VPS13B: variants seen among roughly 807,000 people sequenced by gnomAD.
The protein encoded by VPS13B is vacuolar protein sorting 13 homolog B.
Under a neutral mutation model 426.4 loss-of-function variants are expected in VPS13B, and 285 were observed. That is an observed-to-expected ratio of 0.67 (90% CI 0.61 to 0.74). VPS13B has a LOEUF of 0.74. VPS13B is among the 30% of genes least tolerant of loss of function. The pLI, the probability that VPS13B is intolerant of heterozygous loss-of-function variation, is 0.00. For missense variants in VPS13B, 4,537 were observed against 4,782.6 expected (o/e 0.95, Z 1.51); for synonymous variants, 1,676 against 1,676.4 (o/e 1.00, Z 0.01).
chr8:99,207,422 G>A (rs1487385217), intron 17 of VPS13B, among the ~76,000 whole-genome samples: 1 of 152,088 alleles, frequency 6.6e-6, no homozygotes, highest in East Asian at 1.9e-4. Context: ...TTTTGATAAT[G>A]TTTGTAAATT....
chr8:99,243,880 A>G (rs550917159), intron 17 of VPS13B, among the ~76,000 whole-genome samples: 1 of 152,224 alleles, frequency 6.6e-6, no homozygotes, highest in Non-Finnish European at 1.5e-5. Flanking sequence ...AGCACATGTC[A>G]TCAATCCTGA....
chr8:99,820,146 A>G (rs1814279412), intron 49 of VPS13B, 24 bp downstream of exon 49: 1 of 1,598,002 alleles, frequency 6.3e-7, no homozygotes, highest in Non-Finnish European at 8.6e-7. Context: ...TTTAACTAAT[A>G]CGAATTCTTA....
At chr8:99,819,831 G>C in intron 48 of VPS13B, 90 bp from the exon 49 acceptor site, 4 of 1,501,986 alleles carry the variant, frequency 2.7e-6, no homozygotes, top group Non-Finnish European at 3.7e-6. Flanking sequence ...TCATGCAGGA[G>C]CATGGTGTGT....
chr8:99,187,256 T>G (rs533787705), intron 16 of VPS13B, among the ~76,000 whole-genome samples: 52 of 152,266 alleles, frequency 3.4e-4, no homozygotes, highest in Non-Finnish European at 5.4e-4. Context: ...AACAGAAATT[T>G]GAGAACATAG....
At chr8:99,205,984 A>T (rs919798261) in intron 17 of VPS13B, among the ~76,000 whole-genome samples, 1 of 152,206 alleles carries the variant, frequency 6.6e-6, no homozygotes, top group East Asian at 1.9e-4. Context: ...TAAAGGATAA[A>T]GCAGAGATTA....
At chr8:99,312,619 A>C (rs1413797587) in intron 19 of VPS13B, among the ~76,000 whole-genome samples, 3 of 151,918 alleles carry the variant, frequency 2.0e-5, no homozygotes, top group African/African-American at 7.3e-5. Context: ...CTTCATTTCA[A>C]CTTTGGTGAA....
At chr8:99,510,371 A>G (rs1380253836) in intron 28 of VPS13B, among the ~76,000 whole-genome samples, 2 of 152,186 alleles carry the variant, frequency 1.3e-5, no homozygotes, top group East Asian at 1.9e-4. Context: ...AAAATATGTA[A>G]TGTGGTTATT....
At chr8:99,385,138 T>C (rs2133297378) in intron 20 of VPS13B, among the ~76,000 whole-genome samples, 1 of 152,348 alleles carries the variant, frequency 6.6e-6, no homozygotes, top group Non-Finnish European at 1.5e-5. Context: ...AGTAGGCAAT[T>C]ATAGTTTCTA....
chr8:99,080,742 A>T (rs141464237), intron 3 of VPS13B, among the ~76,000 whole-genome samples: 1 of 152,332 alleles, frequency 6.6e-6, no homozygotes, highest in East Asian at 1.9e-4. Flanking sequence ...CTGTTCTAGA[A>T]GATTAATTTT....
intron 15 of VPS13B, among the ~76,000 whole-genome samples, chr8:99,162,403 A>G (rs1762217195): frequency 6.6e-6 from 1 of 152,216 alleles, no homozygotes. Flanking sequence ...TGTATTGGCT[A>G]TATGATGAAA....
intron 20 of VPS13B, among the ~76,000 whole-genome samples, chr8:99,386,052 C>CTTTCTAAATA (rs1814103900): frequency 6.6e-6 from 1 of 152,140 alleles, no homozygotes; most frequent in Non-Finnish European, 1.5e-5. Flanking sequence ...AAAGTTTACT[C>CTTTCTAAATA]TAGCAGAATA....
chr8:99,033,872 G>A (rs1349348543), intron 2 of VPS13B, among the ~76,000 whole-genome samples: 1 of 152,018 alleles, frequency 6.6e-6, no homozygotes, highest in Non-Finnish European at 1.5e-5. Context: ...CTCCAGCCTG[G>A]GTGACAGGGT....
At chr8:99,606,009 C>T (rs999319452) in intron 33 of VPS13B, among the ~76,000 whole-genome samples, 10 of 152,272 alleles carry the variant, frequency 6.6e-5, no homozygotes, top group Non-Finnish European at 1.2e-4. Flanking sequence ...GATCCTCCCA[C>T]CTCAGCCTCC....
rs189677912 is a variant in VPS13B at position 99,173,136 on chromosome 8, G to A, written c.2333+2973G>A. Among the ~76,000 whole-genome samples, 964 of 152,192 alleles carry A rather than the reference G, an allele frequency of 6.3e-3. 8 individuals carry two copies. Among genetic ancestry groups the A allele is most frequent in the African/African-American group, 0.022 (905 of 41,532 alleles). On this transcript the variant is annotated intron_variant, in intron 16 of 61. Coordinates refer to ENST00000357162, the MANE Select transcript of VPS13B (RefSeq NM_152564.5). ...TTTACTTAGCACAGTGCCAATTGTT[G>A]ATTTTAACTAGCAAAGTTATTGAAC...
intron 54 of VPS13B, among the ~76,000 whole-genome samples, chr8:99,841,711 C>A (rs985030146): frequency 6.6e-5 from 10 of 152,182 alleles, no homozygotes; most frequent in Admixed American, 3.3e-4. Flanking sequence ...TCCACACATC[C>A]AGTAGGCCAC....
intron 2 of VPS13B, among the ~76,000 whole-genome samples, chr8:99,032,131 C>G (rs540983860): frequency 6.6e-6 from 1 of 152,316 alleles, no homozygotes; most frequent in African/African-American, 2.4e-5. Flanking sequence ...TCCCTTCTGG[C>G]TCCAGGCTGA....
chr8:99,424,976 A>C (rs959570775), intron 21 of VPS13B, among the ~76,000 whole-genome samples: 2 of 152,212 alleles, frequency 1.3e-5, no homozygotes, highest in African/African-American at 4.8e-5. Flanking sequence ...AGAAATGGAT[A>C]TATTCCTCAA....
Position 99,378,545 on chromosome 8 carries a change from G to A in VPS13B, c.2825-5663G>A, listed in dbSNP as rs191352725. On this transcript the variant is annotated intron_variant, in intron 19 of 61. Coordinates refer to ENST00000357162, the MANE Select transcript of VPS13B (RefSeq NM_152564.5). ...GAAATCTTCACAATTTATGTTCAGA[G>A]ATTGCAGTAAAGACAGGCATAAGAA... is the stretch of plus-strand genomic sequence containing the variant. 5.0e-3 allele frequency among the ~76,000 whole-genome samples: 760 copies of A among 152,240 alleles called. 7 individuals are homozygous for A. The highest frequency in any genetic ancestry group is 0.018 in the African/African-American group (733 of 41,536).
At chr8:99,771,808 A>G (rs1283682668) in intron 40 of VPS13B, among the ~76,000 whole-genome samples, 1 of 152,176 alleles carries the variant, frequency 6.6e-6, no homozygotes, top group African/African-American at 2.4e-5. Flanking sequence ...TTAGTGTTAT[A>G]AGCCATTTAT....
Sources: allele counts gnomAD v4.1 joint callset (sites outside exome capture counted in the v4.1 genomes callset), GRCh38; gene constraint gnomAD v4.1.1; transcripts MANE v1.5; gene names NCBI Gene and HGNC (gene_info 2026-07-23, HGNC 2026-07-21).